The following SEMA6A variants were observed in gnomAD, a reference collection of about 807,000 sequenced individuals.
SEMA6A encodes semaphorin-6A.
In SEMA6A, 25 loss-of-function variants were observed where a neutral mutation model predicts 96.8. The observed-to-expected ratio is 0.26, with a 90% CI of 0.19 to 0.36. The LOEUF is 0.36. SEMA6A is among the 10% of genes least tolerant of loss of function. The probability of loss-of-function intolerance (pLI) is 1.00; values close to 1 mark genes in which losing one functional copy is unlikely to be tolerated. For missense variants in SEMA6A, 1,363 were observed against 1,323.1 expected (o/e 1.03, Z -0.47); for synonymous variants, 612 against 518.0 (o/e 1.18, Z -2.46).
In SEMA6A at chr5:116,456,211, T is replaced by C. The variant is rs145248184; in HGVS notation, c.1895-8400A>G. 4.1e-3 allele frequency among the ~76,000 whole-genome samples: 617 copies of C among 152,272 alleles called. 1 individual carries two copies. The highest frequency in any genetic ancestry group is 7.0e-3 in the Non-Finnish European group (476 of 68,012). On this transcript the variant is annotated intron_variant, in intron 18 of 18. Coordinates refer to ENST00000343348, the MANE Select transcript of SEMA6A (RefSeq NM_020796.5). ...TGTCTGAATCAGTGCCACTCAGCAT[T>C]AACATCACCTGGAACTAATTAGAGA...
At chr5:116,451,527 G>A (rs10447236) in intron 18 of SEMA6A, among the ~76,000 whole-genome samples, 1 of 152,096 alleles carries the variant, frequency 6.6e-6, no homozygotes, top group African/African-American at 2.4e-5. Flanking sequence ...GAAAATGTTG[G>A]CAATTATAGT....
At chr5:116,497,145 A>C (rs543303208) in intron 4 of SEMA6A, among the ~76,000 whole-genome samples, 182 bp downstream of exon 4, 6 of 152,236 alleles carry the variant, frequency 3.9e-5, no homozygotes, top group African/African-American at 9.6e-5. Context: ...TATGAAGTAC[A>C]TAACTGTTTC....
rs1394129185 is a variant in SEMA6A, at chr5:116,447,520, T to C, written c.2186A>G (p.Asn729Ser). 6 of 1,613,948 alleles carry C rather than the reference T, an allele frequency of 3.7e-6. No homozygotes were observed. In the Admixed American group the frequency reaches 1.0e-4, roughly 27 times the overall value. Residue 729 changes from asparagine to serine, a missense_variant, in exon 19 of 19, where the codon AAC becomes AGC. Asn to Ser is a conservative substitution (Grantham distance 46). Coordinates refer to ENST00000343348, the MANE Select transcript of SEMA6A (RefSeq NM_020796.5). ...GTTGCCGGGAGTGGCGAGCTTGCCGTTGTGCATGAGTGGCGTGAGGATGGC... is the reference window on the plus strand; with the variant it reads ...GTTGCCGGGAGTGGCGAGCTTGCCGCTGTGCATGAGTGGCGTGAGGATGGC... ...PEAILTPLMH[N>S]GKLATPGNTA...
chr5:116,472,799 A>C, intron 17 of SEMA6A: 1 of 1,016,940 alleles, frequency 9.8e-7, no homozygotes. Flanking sequence ...AATCTGGTCC[A>C]TGATGTTTAG....
chr5:116,503,468 T>A (rs1444818796), intron 2 of SEMA6A, among the ~76,000 whole-genome samples: 5 of 152,012 alleles, frequency 3.3e-5, no homozygotes, highest in Admixed American at 3.3e-4. Flanking sequence ...TGGATTTGAG[T>A]GATCACTGAA....
At chr5:116,519,822 G>GTTC (rs1758849326) in intron 1 of SEMA6A, among the ~76,000 whole-genome samples, 1 of 152,058 alleles carries the variant, frequency 6.6e-6, no homozygotes, top group Non-Finnish European at 1.5e-5. Context: ...ACTTCCCTAT[G>GTTC]TTCTACCTAC....
intron 7 of SEMA6A, 126 bp from the exon 8 acceptor site, chr5:116,489,133 C>T: frequency 9.1e-7 from 1 of 1,101,878 alleles, no homozygotes. Context: ...TGGGAAAAAT[C>T]CAAGAGTCGC....
chr5:116,472,028 C>T (rs945134280), intron 17 of SEMA6A, among the ~76,000 whole-genome samples: 2 of 152,092 alleles, frequency 1.3e-5, no homozygotes, highest in South Asian at 2.1e-4. Context: ...TATAAAATGG[C>T]TGTGTATACA....
Position 116,466,234 on chromosome 5 carries a change from C to T in SEMA6A, c.1894+1349G>A, listed in dbSNP as rs180714247. 2.4e-4 allele frequency among the ~76,000 whole-genome samples: 37 copies of T among 151,614 alleles called. No homozygotes were observed. In the East Asian group the frequency reaches 6.0e-3, roughly 25 times the overall value. On this transcript the variant is annotated intron_variant, in intron 18 of 18. Transcript: ENST00000343348. ...AAAAAAAAAAAATACAAAAATTAGC[C>T]GGGCATGGTGGCGGGCACCTATAAT... is the stretch of plus-strand genomic sequence containing the variant.
chr5:116,472,995 C>G, intron 17 of SEMA6A, 78 bp downstream of exon 17: 1 of 1,531,050 alleles, frequency 6.5e-7, no homozygotes, highest in Non-Finnish European at 8.8e-7. Flanking sequence ...TTTGAACATA[C>G]TCAAGAGGAT....
intron 18 of SEMA6A, among the ~76,000 whole-genome samples, chr5:116,456,936 G>T (rs2112609369): frequency 6.6e-6 from 1 of 152,324 alleles, no homozygotes; most frequent in East Asian, 1.9e-4. Context: ...CGAGAGAAAA[G>T]AAACTCACGA....
chr5:116,553,218 T>C (rs951689871), intron 1 of SEMA6A, among the ~76,000 whole-genome samples: 1 of 152,238 alleles, frequency 6.6e-6, no homozygotes, highest in African/African-American at 2.4e-5. Flanking sequence ...ACATATTCAC[T>C]TTAAACACAA....
intron 1 of SEMA6A, among the ~76,000 whole-genome samples, chr5:116,543,489 A>G (rs186094665): frequency 1.2e-3 from 189 of 152,372 alleles, no homozygotes; most frequent in Non-Finnish European, 2.1e-3. Context: ...AACTGGCTAC[A>G]TAGAAATACT....
chr5:116,520,411 C>G (rs970337567), intron 1 of SEMA6A, among the ~76,000 whole-genome samples: 2 of 152,046 alleles, frequency 1.3e-5, no homozygotes, highest in Admixed American at 6.6e-5. Flanking sequence ...CCCTCCCATT[C>G]AAGAACAAAG....
intron 1 of SEMA6A, among the ~76,000 whole-genome samples, chr5:116,573,913 C>A (rs1433456188): frequency 1.3e-5 from 2 of 152,016 alleles, no homozygotes; most frequent in East Asian, 3.9e-4. Flanking sequence ...GCCGTCGCGG[C>A]CCGGGGCGGC....
intron 1 of SEMA6A, among the ~76,000 whole-genome samples, chr5:116,517,982 G>A (rs1431550923): frequency 6.6e-6 from 1 of 152,166 alleles, no homozygotes; most frequent in East Asian, 1.9e-4. Context: ...TCCAATCCCT[G>A]GCATCAGAAG....
At chr5:116,454,750 A>G (rs1237739837) in intron 18 of SEMA6A, among the ~76,000 whole-genome samples, 1 of 152,030 alleles carries the variant, frequency 6.6e-6, no homozygotes, top group African/African-American at 2.4e-5. Flanking sequence ...CCATGGAAAT[A>G]GGCTTGGAGT....
At chr5:116,472,663 G>C in intron 17 of SEMA6A, 2 of 479,612 alleles carry the variant, frequency 4.2e-6, no homozygotes, top group South Asian at 7.1e-5. Flanking sequence ...CATATTTCAT[G>C]TTATCTGGAT....
At chr5:116,474,883 G>A (rs949279954) in intron 16 of SEMA6A, among the ~76,000 whole-genome samples, 1 of 140,152 alleles carries the variant, frequency 7.1e-6, no homozygotes, top group Non-Finnish European at 1.6e-5. Context: ...GGAGAATATT[G>A]ATATTAATCG....
Sources: allele counts gnomAD v4.1 joint callset (sites outside exome capture counted in the v4.1 genomes callset), GRCh38; gene constraint gnomAD v4.1.1; transcripts MANE v1.5; gene names NCBI Gene and HGNC (gene_info 2026-07-23, HGNC 2026-07-21).